The following SLFN12L variants were observed in gnomAD, a reference collection of about 807,000 sequenced individuals.
SLFN12L encodes schlafen family member 12 like, also known as schlafen family member 12-like.
SLFN12L carries 34 observed loss-of-function variants against 34.8 expected under a neutral mutation model. The observed-to-expected ratio is 0.98, with a 90% CI of 0.74 to 1.30. SLFN12L has a LOEUF of 1.30. SLFN12L is among the 50% of genes most tolerant of loss of function. The pLI, the probability that SLFN12L is intolerant of heterozygous loss-of-function variation, is 0.00. For missense variants in SLFN12L, 703 were observed against 696.2 expected, an observed-to-expected ratio of 1.01 and a Z score of -0.11; for synonymous variants, 259 against 247.5, an observed-to-expected ratio of 1.05 and a Z score of -0.44.
intron 2 of SLFN12L, among the ~76,000 whole-genome samples, chr17:35,518,197 G>T (rs1194003111): frequency 6.6e-6 from 1 of 152,084 alleles, no homozygotes; most frequent in African/African-American, 2.4e-5. Context: ...AAATTTACAA[G>T]AGAAAAACAA....
intron 1 of SLFN12L, 45 bp from the exon 2 acceptor site, chr17:35,523,014 T>C (rs866081869): frequency 2.2e-6 from 1 of 446,322 alleles, no homozygotes. Flanking sequence ...AGAAGAATCA[T>C]ACTGATTATG....
Position 35,499,233 on chromosome 17 carries a change from T to C in SLFN12L, c.87-19038A>G, listed in dbSNP as rs1484752303. 6 of 896,350 alleles carry C rather than the reference T, an allele frequency of 6.7e-6. No homozygotes were observed. The African/African-American group carries it at 1.0e-4, about 15-fold the overall frequency. The allele number at this position is 896,350 out of a possible 1,614,324, so 55.5% of individuals were successfully genotyped here. A position where few individuals can be genotyped will look rare whatever the true frequency, so the allele number is the denominator to read the frequency against. ...CTGCCTTCCTAATTTGCTTAGAATG[T>C]CCTTACCAAACACGACATATCTTAG... On this transcript the variant is annotated intron_variant, in intron 2 of 4. Transcript: ENST00000628453.
chr17:35,488,912 A>G (rs928043479), intron 2 of SLFN12L, among the ~76,000 whole-genome samples: 2 of 152,156 alleles, frequency 1.3e-5, no homozygotes, highest in African/African-American at 4.8e-5. Flanking sequence ...TCTACTAAAA[A>G]TACAAAAATT....
intron 2 of SLFN12L, among the ~76,000 whole-genome samples, chr17:35,493,237 T>C (rs772462420): frequency 6.6e-6 from 1 of 152,158 alleles, no homozygotes; most frequent in African/African-American, 2.4e-5. Flanking sequence ...AGAGGAAGCA[T>C]TGGGGTGGGG....
chr17:35,505,036 T>C (rs1165882461), intron 2 of SLFN12L, among the ~76,000 whole-genome samples: 1 of 152,232 alleles, frequency 6.6e-6, no homozygotes, highest in Non-Finnish European at 1.5e-5. Context: ...CTCTCACGTC[T>C]ATTTAGATGC....
chr17:35,472,513 C>T lies in SLFN12L; in HGVS notation c.*2410G>A, dbSNP rs941049272. The stretch of plus-strand genomic sequence containing the variant: ...CTATATGTCTCTTTTTATGCCAGTA[C>T]CATGCTGTTTTGGTTACTGTAGCCA... On this transcript the variant is annotated 3_prime_UTR_variant, in exon 5 of 5. Transcript: ENST00000628453. Among the ~76,000 whole-genome samples the T allele has an allele frequency of 2.6e-5, 4 of 152,108 alleles. No homozygotes were observed. The highest frequency in any genetic ancestry group is 9.7e-5 in the African/African-American group (4 of 41,410).
At position 35,511,925 on chromosome 17, in the gene SLFN12L, G is replaced by GT. The variant is rs948553636; in HGVS notation, c.86+10353dup. 3.9e-5 allele frequency among the ~76,000 whole-genome samples: 6 copies of GT among 152,062 alleles called. No individual in the cohort carries two copies. The East Asian group carries it at 5.8e-4, about 15-fold the overall frequency. On this transcript the variant is annotated intron_variant, in intron 2 of 4. Transcript: ENST00000628453. ...CTAATACATATTTTCCACTTCCAAA[G>GT]TTTTTTTTGTAAGTGTACAACGTTA... is the stretch of plus-strand genomic sequence containing the variant.
intron 2 of SLFN12L, among the ~76,000 whole-genome samples, chr17:35,485,299 T>A (rs550272692): frequency 2.6e-5 from 4 of 152,352 alleles, no homozygotes; most frequent in Admixed American, 6.5e-5. Flanking sequence ...ACCTTTTAAA[T>A]GTTTGTGAGC....
At chr17:35,532,174 A>G (rs1248024372) in intron 1 of SLFN12L, among the ~76,000 whole-genome samples, 2 of 152,208 alleles carry the variant, frequency 1.3e-5, no homozygotes, top group Admixed American at 1.3e-4. Context: ...GGCCGCGCAC[A>G]GTGGCTCACG....
rs79917133 is a variant in SLFN12L, at chr17:35,521,894, G to C, written c.86+385C>G. On this transcript the variant is annotated intron_variant, in intron 2 of 4. Coordinates refer to ENST00000628453, the MANE Select transcript of SLFN12L (RefSeq NM_001363830.2). ...GTCTCAAGAAAATGAAAAATGACCC[G>C]AGTCGGTTTTCTTTAGCTAAAAAAG... is the stretch of plus-strand genomic sequence containing the variant. 2.0e-5 allele frequency among the ~76,000 whole-genome samples: 3 copies of C among 152,006 alleles called. No individual in the cohort carries two copies. The East Asian group carries it at 5.8e-4, about 29-fold the overall frequency.
At chr17:35,476,597 G>C (rs900310153) in intron 4 of SLFN12L, among the ~76,000 whole-genome samples, 1 of 151,992 alleles carries the variant, frequency 6.6e-6, no homozygotes, top group Admixed American at 6.6e-5. Flanking sequence ...TCAGCCTCAC[G>C]GTGCTCAGGA....
intron 2 of SLFN12L, chr17:35,498,227 G>A: frequency 4.8e-6 from 3 of 620,916 alleles, no homozygotes; most frequent in Non-Finnish European, 9.0e-6. Context: ...TGAAATGAGT[G>A]CGTACCGAGG....
At chr17:35,506,923 G>A (rs541635051) in intron 2 of SLFN12L, among the ~76,000 whole-genome samples, 1 of 152,254 alleles carries the variant, frequency 6.6e-6, no homozygotes, top group African/African-American at 2.4e-5. Context: ...CAGCTGCCTT[G>A]GGCAAAAACT....
chr17:35,512,514 C>T (rs559229500), intron 2 of SLFN12L, among the ~76,000 whole-genome samples: 7 of 152,094 alleles, frequency 4.6e-5, no homozygotes, highest in Admixed American at 3.9e-4. Flanking sequence ...CACAGGCGCC[C>T]GCCACCATGT....
rs1913814716 is a variant in SLFN12L at position 35,471,847 on chromosome 17, C to A, written c.*3076G>T. 6.6e-6 allele frequency among the ~76,000 whole-genome samples: 1 copy of A among 151,976 alleles called. No individual in the cohort carries two copies. ...GAGTTTTTTTTCATACGTTTGTTGGCTGTATAAATGTCTTCTTTTGAGAAA... is the reference window on the plus strand; with the variant it reads ...GAGTTTTTTTTCATACGTTTGTTGGATGTATAAATGTCTTCTTTTGAGAAA... On this transcript the variant is annotated 3_prime_UTR_variant, in exon 5 of 5. Transcript: ENST00000628453.
In SLFN12L at chr17:35,464,376, G is replaced by A. The variant is rs1302435601; in HGVS notation, c.*10547C>T. On this transcript the variant is annotated 3_prime_UTR_variant, in exon 5 of 5. Coordinates refer to ENST00000628453, the MANE Select transcript of SLFN12L (RefSeq NM_001363830.2). ...TATTATTTCATCACCCAGGTATTAA[G>A]CCCATACCCAATAGTTAACTTTTCT... 1 of 152,082 alleles carries A rather than the reference G, an allele frequency of 6.6e-6. No individual in the cohort carries two copies. Among genetic ancestry groups the A allele is most frequent in the Non-Finnish European group, 1.5e-5 (1 of 68,022 alleles). The allele number at this position is 152,082 out of a possible 1,614,324, so 9.4% of individuals were successfully genotyped here.
chr17:35,477,315 A>G (rs879800178), intron 4 of SLFN12L, among the ~76,000 whole-genome samples: 1 of 152,244 alleles, frequency 6.6e-6, no homozygotes, highest in Non-Finnish European at 1.5e-5. Flanking sequence ...GCAAAACTTT[A>G]AAATTTTTAA....
intron 1 of SLFN12L, among the ~76,000 whole-genome samples, chr17:35,526,447 C>T (rs1459084102): frequency 2.6e-5 from 4 of 152,148 alleles, no homozygotes; most frequent in African/African-American, 7.2e-5. Context: ...AAATTGACCA[C>T]ATAATTAGAA....
At chr17:35,498,498 C>G in intron 2 of SLFN12L, 1 of 1,194,322 alleles carries the variant, frequency 8.4e-7, no homozygotes, top group Non-Finnish European at 1.3e-6. Context: ...AGTGATGCCT[C>G]TCCTTTATCC....
Sources: allele counts gnomAD v4.1 joint callset (sites outside exome capture counted in the v4.1 genomes callset), GRCh38; gene constraint gnomAD v4.1.1; transcripts MANE v1.5; gene names NCBI Gene and HGNC (gene_info 2026-07-23, HGNC 2026-07-21).